GPR158: variants seen among roughly 807,000 people sequenced by gnomAD.
The protein encoded by GPR158 is G protein-coupled receptor 158.
GPR158 carries 30 observed loss-of-function variants against 78.2 expected under a neutral mutation model. That is an observed-to-expected ratio of 0.38 (90% CI 0.29 to 0.52). GPR158 has a LOEUF of 0.52. Ranked by LOEUF, GPR158 falls within the 20% of genes least tolerant of loss-of-function variation. The probability of loss-of-function intolerance (pLI) is 0.83; values close to 1 mark genes in which losing one functional copy is unlikely to be tolerated. For synonymous variants in GPR158, 581 were observed against 591.1 expected (o/e 0.98, Z 0.25); for missense variants, 1,463 against 1,523.5 (o/e 0.96, Z 0.66).
intron 2 of GPR158, among the ~76,000 whole-genome samples, chr10:25,320,605 T>C (rs1854933987): frequency 6.6e-6 from 1 of 152,228 alleles, no homozygotes; most frequent in Non-Finnish European, 1.5e-5. Context: ...TACTATGGGA[T>C]ACCTGGTGTG....
intron 2 of GPR158, among the ~76,000 whole-genome samples, chr10:25,271,532 G>A (rs1439931390): frequency 1.3e-5 from 2 of 152,126 alleles, no homozygotes; most frequent in Non-Finnish European, 2.9e-5. Context: ...AGTGGTGATG[G>A]ACATACTCTC....
chr10:25,222,684 G>C (rs1293560626), intron 2 of GPR158, among the ~76,000 whole-genome samples: 1 of 152,130 alleles, frequency 6.6e-6, no homozygotes, highest in East Asian at 1.9e-4. Context: ...CAAATGTCTA[G>C]AGCAATATTG....
At chr10:25,247,674 CA>C (rs1853715334) in intron 2 of GPR158, among the ~76,000 whole-genome samples, 1 of 150,504 alleles carries the variant, frequency 6.6e-6, no homozygotes, top group Non-Finnish European at 1.5e-5. Context: ...CATAGTATTC[CA>C]TGGTGTATAT....
chr10:25,470,901 G>A (rs896759153), intron 5 of GPR158, among the ~76,000 whole-genome samples: 2 of 152,042 alleles, frequency 1.3e-5, no homozygotes, highest in East Asian at 1.9e-4. Flanking sequence ...TTTCCACCCA[G>A]TAGCCAGAGG....
intron 2 of GPR158, among the ~76,000 whole-genome samples, chr10:25,370,225 G>T (rs1186048348): frequency 3.5e-5 from 5 of 142,672 alleles, no homozygotes; most frequent in Non-Finnish European, 6.2e-5. Context: ...GAATGTGTTT[G>T]CTCTTGCTTT....
At chr10:25,317,456 A>C (rs1854870283) in intron 2 of GPR158, among the ~76,000 whole-genome samples, 1 of 151,678 alleles carries the variant, frequency 6.6e-6, no homozygotes, top group African/African-American at 2.4e-5. Context: ...TTTATTTCTG[A>C]TATGATGTTT....
chr10:25,420,325 C>T (rs1773668), intron 4 of GPR158, among the ~76,000 whole-genome samples: 105,677 of 151,318 alleles, frequency 0.7, 37,881 homozygotes, highest in Non-Finnish European at 0.8. Flanking sequence ...ATTTTTGAAA[C>T]ATTTTTTTGT....
intron 4 of GPR158, among the ~76,000 whole-genome samples, chr10:25,465,332 G>A (rs1470322745): frequency 6.6e-6 from 1 of 152,028 alleles, no homozygotes; most frequent in African/African-American, 2.4e-5. Context: ...TTTTGTGTTT[G>A]CAGTATTAAT....
At chr10:25,380,235 C>T (rs372836685) in intron 2 of GPR158, among the ~76,000 whole-genome samples, 13 of 152,270 alleles carry the variant, frequency 8.5e-5, no homozygotes, top group African/African-American at 3.1e-4. Flanking sequence ...GTGCTCCTCC[C>T]TCATCCTATA....
intron 4 of GPR158, among the ~76,000 whole-genome samples, chr10:25,443,554 CAAAAA>C (rs67094533): frequency 2.8e-5 from 3 of 107,578 alleles, no homozygotes; most frequent in African/African-American, 3.7e-5. Flanking sequence ...GAGACTGTTT[CAAAAA>C]AAAAAAAAAA....
At chr10:25,597,350 T>C (rs2130755363) in intron 10 of GPR158, among the ~76,000 whole-genome samples, 1 of 152,344 alleles carries the variant, frequency 6.6e-6, no homozygotes, top group South Asian at 2.1e-4. Flanking sequence ...TATGCTGTGT[T>C]TTGTTCTGGT....
chr10:25,331,071 G>A (rs1288231447), intron 2 of GPR158, among the ~76,000 whole-genome samples: 1 of 151,978 alleles, frequency 6.6e-6, no homozygotes, highest in Non-Finnish European at 1.5e-5. Context: ...TAAGTAGCTG[G>A]GATTACAGGT....
rs549018746 is a variant in GPR158, at chr10:25,394,815, T to C, written c.1009-1096T>C. Among the ~76,000 whole-genome samples the C allele has an allele frequency of 1.8e-4, 28 of 152,298 alleles. No individual in the cohort carries two copies. The South Asian group carries it at 5.8e-3, about 32-fold the overall frequency. On this transcript the variant is annotated intron_variant, in intron 2 of 10. Transcript: ENST00000376351. The stretch of plus-strand genomic sequence containing the variant: ...ACTTATCTAATTGCTGGAGTTTTTG[T>C]GATATGTAATATTGATCCTAATGCT...
At chr10:25,400,767 G>A (rs1834433119) in intron 3 of GPR158, among the ~76,000 whole-genome samples, 1 of 152,154 alleles carries the variant, frequency 6.6e-6, no homozygotes, top group Admixed American at 6.6e-5. Flanking sequence ...TATAGTACCA[G>A]TCTTTCATTC....
At position 25,412,484 on chromosome 10, in the gene GPR158, G is replaced by T; in HGVS notation, c.1335+11G>T. The T allele has an allele frequency of 6.3e-7, 1 of 1,590,584 alleles. No homozygotes were observed. Among genetic ancestry groups the T allele is most frequent in the Non-Finnish European group, 8.6e-7 (1 of 1,159,000 alleles). ...TTTCGCAAAGCAAAGGTAAACCCAG[G>T]AACCCTGGTTATGATCCTGTATTAC... On this transcript the variant is annotated intron_variant, in intron 4 of 10. Coordinates refer to ENST00000376351, the MANE Select transcript of GPR158 (RefSeq NM_020752.3).
chr10:25,530,623 T>C (rs1304615103), intron 5 of GPR158, among the ~76,000 whole-genome samples: 1 of 152,200 alleles, frequency 6.6e-6, no homozygotes, highest in Non-Finnish European at 1.5e-5. Flanking sequence ...TGATCCATTA[T>C]CCAGAAAAAT....
intron 2 of GPR158, among the ~76,000 whole-genome samples, chr10:25,293,287 T>C (rs1160456642): frequency 6.6e-6 from 1 of 152,236 alleles, no homozygotes; most frequent in East Asian, 1.9e-4. Flanking sequence ...ACTTACTATA[T>C]GGAGTCAGGG....
Position 25,517,740 on chromosome 10 carries a change from T to G in GPR158, c.1405-33236T>G, listed in dbSNP as rs1325335443. On this transcript the variant is annotated intron_variant, in intron 5 of 10. Coordinates refer to ENST00000376351, the MANE Select transcript of GPR158 (RefSeq NM_020752.3). ...ATGAAGCCCACTTGATCATGGTGGA[T>G]AAGCTTTTTGATGTGCTGCTGGATT... Among the ~76,000 whole-genome samples, 5 of 151,462 alleles carry G rather than the reference T, an allele frequency of 3.3e-5. No individual in the cohort carries two copies. The East Asian group carries it at 7.8e-4, about 23-fold the overall frequency.
intron 4 of GPR158, among the ~76,000 whole-genome samples, chr10:25,446,354 C>T (rs1338344277): frequency 6.6e-6 from 1 of 152,070 alleles, no homozygotes; most frequent in East Asian, 1.9e-4. Flanking sequence ...TTGAGAACAG[C>T]CTTCATGATA....
Sources: allele counts gnomAD v4.1 joint callset (sites outside exome capture counted in the v4.1 genomes callset), GRCh38; gene constraint gnomAD v4.1.1; transcripts MANE v1.5; gene names NCBI Gene and HGNC (gene_info 2026-07-23, HGNC 2026-07-21).